MYH2: variants seen among roughly 807,000 people sequenced by gnomAD.
The protein encoded by MYH2 is myosin heavy chain 2, also known as myosin-2.
In MYH2, 139 loss-of-function variants were observed where a neutral mutation model predicts 228.1. The observed-to-expected ratio is 0.61, with a 90% confidence interval of 0.53 to 0.70. MYH2 has a LOEUF of 0.70. MYH2 is among the 30% of genes least tolerant of loss of function. The pLI is 0.00. For missense variants in MYH2, 1,809 were observed against 2,357.5 expected (o/e 0.77, Z 4.82); for synonymous variants, 796 against 871.1 (o/e 0.91, Z 1.52).
chr17:10,545,494 T>C lies in MYH2; in HGVS notation c.357A>G (p.Ser119=), dbSNP rs1438390266. ...GGTTGACAGTGACACAGAAGAGACC[T>C]GAATAGGTCTATGAGAAGGAAAAAG... ...RYAAWMIYTY[S]GLFCVTVNPY... is the part of the protein sequence containing the mutation. Residue 119 remains serine, a synonymous_variant, in exon 5 of 40, where the codon TCA becomes TCG. Transcript: ENST00000245503. 1.2e-6 allele frequency: 2 copies of C among 1,614,058 alleles called. No individual in the cohort carries two copies. Among genetic ancestry groups the C allele is most frequent in the Non-Finnish European group, 1.7e-6 (2 of 1,179,978 alleles).
Position 10,525,865 on chromosome 17 carries a change from G to A in MYH2, c.4199C>T (p.Ala1400Val), listed in dbSNP as rs770023922. 8 of 1,614,032 alleles carry A rather than the reference G, an allele frequency of 5.0e-6. No individual in the cohort carries two copies. The highest frequency in any genetic ancestry group is 1.1e-5 in the South Asian group (1 of 91,080). ...TTCCTCAGCTGCCTGCAGCCGCTGG[G>A]CCAGCTTCTTCCTTGAATATTATAC... ...EELEEAKKKLAQRLQAAEEHV... is the reference protein window; with the variant it reads ...EELEEAKKKLVQRLQAAEEHV... Residue 1400 changes from alanine to valine, a missense_variant, in exon 31 of 40, where the codon GCC (alanine) becomes GTC (valine). Physicochemically the swap from Ala to Val is moderately conservative, Grantham distance 64. Transcript: ENST00000245503. The surrounding 1 kb of genome is among the most constrained non-coding windows in gnomAD (Gnocchi z 4.2).
At chr17:10,532,620 T>G (rs1016253332) in intron 21 of MYH2, among the ~76,000 whole-genome samples, 5 of 152,206 alleles carry the variant, frequency 3.3e-5, no homozygotes, top group African/African-American at 4.8e-5. Flanking sequence ...TATAAATTAT[T>G]TATATATCTG....
intron 10 of MYH2, among the ~76,000 whole-genome samples, chr17:10,541,487 TC>T (rs2073554423): frequency 6.6e-6 from 1 of 152,206 alleles, no homozygotes. Context: ...AAACCCTGCC[TC>T]CTGATAAGAT....
rs199982481 is a variant in MYH2 at position 10,526,601 on chromosome 17, G to A, written c.4185C>T (p.Ala1395=). ...TTCTCTCATATCTGTGCACATACTT[G>A]GCCTCCTCCAGCTCCTCTGTGCGCT... ...AIQRTEELEE[A]KKKLAQRLQA... The change falls in exon 30 of 40, where the codon GCC becomes GCT. Residue 1395 remains alanine (A), a splice_region_variant and synonymous_variant. Coordinates refer to ENST00000245503, the MANE Select transcript of MYH2 (RefSeq NM_017534.6). 3.7e-6 allele frequency: 6 copies of A among 1,613,906 alleles called. No individual in the cohort carries two copies. In the Admixed American group the frequency reaches 8.3e-5, roughly 22 times the overall value.
At position 10,521,203 on chromosome 17, in the gene MYH2, A is replaced by G; in HGVS notation, c.*77T>C. Reference sequence around the variant, plus strand: ...TCCTTTGCAACAGGGTAGAATACACAATAATTACAGAGGGAAATGACCAAA... The same window carrying G: ...TCCTTTGCAACAGGGTAGAATACACGATAATTACAGAGGGAAATGACCAAA... On this transcript the variant is annotated 3_prime_UTR_variant, in exon 40 of 40. Coordinates refer to ENST00000245503, the MANE Select transcript of MYH2 (RefSeq NM_017534.6). 6.5e-7 allele frequency: 1 copy of G among 1,546,530 alleles called. No homozygotes were observed. Among genetic ancestry groups the G allele is most frequent in the Non-Finnish European group, 8.9e-7 (1 of 1,120,668 alleles).
At chr17:10,545,740 G>C (rs186886650) in intron 4 of MYH2, among the ~76,000 whole-genome samples, 10 of 152,138 alleles carry the variant, frequency 6.6e-5, no homozygotes, top group Admixed American at 2.6e-4. Flanking sequence ...AATTTTGTAC[G>C]TGCTTTTTGT....
In MYH2 at chr17:10,543,143, G is replaced by A; in HGVS notation, c.760C>T (p.His254Tyr). 2 of 1,610,468 alleles carry A rather than the reference G, an allele frequency of 1.2e-6. No individual in the cohort carries two copies. Among genetic ancestry groups the A allele is most frequent in the Non-Finnish European group, 1.7e-6 (2 of 1,177,714 alleles). The change falls in exon 9 of 40, where the codon CAC becomes TAC. Residue 254 changes from histidine (H) to tyrosine (Y), a missense_variant. Physicochemically the swap from His to Tyr is moderately conservative, Grantham distance 83. This residue lies in a region of MYH2 where 373 missense variants were observed against 620.4 expected (regional missense o/e 0.60). Coordinates refer to ENST00000245503, the MANE Select transcript of MYH2 (RefSeq NM_017534.6). ...SSRFGKFIRIHFGTTGKLASA... is the reference protein window; with the variant it reads ...SSRFGKFIRIYFGTTGKLASA... ...GCCAGTTTTCCAGTAGTGCCAAAGT[G>A]GATTCTGATGAATTTACCCTTGAAA... is the stretch of plus-strand genomic sequence containing the variant.
At chr17:10,538,144 A>G (rs1234487970) in intron 14 of MYH2, among the ~76,000 whole-genome samples, 1 of 152,074 alleles carries the variant, frequency 6.6e-6, no homozygotes, top group African/African-American at 2.4e-5. Flanking sequence ...TATTCCCATT[A>G]TCTTCTACAT....
At chr17:10,541,374 A>G (rs575588836) in intron 10 of MYH2, among the ~76,000 whole-genome samples, 2 of 152,262 alleles carry the variant, frequency 1.3e-5, no homozygotes, top group South Asian at 4.1e-4. Context: ...TTACAGTTGT[A>G]GATAAGGGTT....
chr17:10,524,869 A>G lies in MYH2; in HGVS notation c.4859T>C (p.Leu1620Pro). The change falls in exon 34 of 40, where the codon CTC (leucine) becomes CCC (proline). Residue 1620 changes from leucine to proline, a missense_variant. Transcript: ENST00000245503. The surrounding 1 kb of genome is among the most constrained non-coding windows in gnomAD (Gnocchi z 4.7). ...GAGGTCTCCCTCCATCTTCTTCTTG[A>G]GCCTAATGGCATCATTCCTACTCCT... ...EIRSRNDAIR[L>P]KKKMEGDLNE... 2 of 1,613,992 alleles carry G rather than the reference A, an allele frequency of 1.2e-6. No individual in the cohort carries two copies. Among genetic ancestry groups the G allele is most frequent in the Non-Finnish European group, 1.7e-6 (2 of 1,180,004 alleles).
At position 10,529,418 on chromosome 17, in the gene MYH2, G is replaced by C. The variant is rs142586585; in HGVS notation, c.3181C>G (p.Leu1061Val). The C allele has an allele frequency of 3.4e-3, 5,478 of 1,614,156 alleles. 7 individuals are homozygous for C. Among genetic ancestry groups the C allele is most frequent in the Non-Finnish European group, 4.2e-3 (4,940 of 1,180,024 alleles). Residue 1061 changes from leucine (L) to valine (V), a missense_variant, in exon 25 of 40, where the codon CTT becomes GTT. By Grantham distance (32) the Leu-to-Val change is conservative. Transcript: ENST00000245503. ...TGGGCCAACTTCAAGTCACCCTCAA[G>C]TTTCCTCTTAGCCCTTTCTAGGTCC... is the stretch of plus-strand genomic sequence containing the variant. ...RMDLERAKRK[L>V]EGDLKLAQES...
chr17:10,540,521 C>G, intron 11 of MYH2, 73 bp downstream of exon 11: 1 of 1,275,364 alleles, frequency 7.8e-7, no homozygotes, highest in South Asian at 1.2e-5. Context: ...TTCTACTAGA[C>G]ACTGAATATT....
intron 4 of MYH2, among the ~76,000 whole-genome samples, chr17:10,545,892 A>C (rs556861428): frequency 6.6e-6 from 1 of 152,302 alleles, no homozygotes; most frequent in African/African-American, 2.4e-5. Flanking sequence ...ATGTGATAGC[A>C]GAATCCTGAG....
At chr17:10,532,336 T>C (rs762446929) in intron 21 of MYH2, among the ~76,000 whole-genome samples, 1 of 152,176 alleles carries the variant, frequency 6.6e-6, no homozygotes. Flanking sequence ...CACAGCTCTT[T>C]AGGGGTATAT....
rs1597448134 is a variant in MYH2, at chr17:10,525,163, T to G, written c.4662+61A>C. 3 of 1,613,888 alleles carry G rather than the reference T, an allele frequency of 1.9e-6. No homozygotes were observed. The Middle Eastern group carries it at 4.9e-4, about 266-fold the overall frequency. ...TTGTGCTATGTGTCTTTTTATTCAC[T>G]CTATGCAGATGTACCTAATTATTTT... is the stretch of plus-strand genomic sequence containing the variant. On this transcript the variant is annotated intron_variant, in intron 33 of 39. Transcript: ENST00000245503. The surrounding 1 kb of genome is among the most constrained non-coding windows in gnomAD (Gnocchi z 4.2).
Position 10,529,174 on chromosome 17 carries a change from A to G in MYH2, c.3342T>C (p.Ile1114=), listed in dbSNP as rs757578668. The change falls in exon 26 of 40, where the codon ATT becomes ATC. Residue 1114 remains isoleucine, a synonymous_variant. Transcript: ENST00000245503. The part of the protein sequence containing the change: ...QALGIQLQKK[I]KELQARIEEL... ...ATCATGTACTTACTTGCAATTCTTTAATTTTCTTCTGCAATTGAATGCCAA... is the reference window on the plus strand; with the variant it reads ...ATCATGTACTTACTTGCAATTCTTTGATTTTCTTCTGCAATTGAATGCCAA... 4 of 1,614,060 alleles carry G rather than the reference A, an allele frequency of 2.5e-6. No homozygotes were observed. The highest frequency in any genetic ancestry group is 2.7e-5 in the African/African-American group (2 of 74,914).
At position 10,544,029 on chromosome 17, in the gene MYH2, A is replaced by C. The variant is rs2073593782; in HGVS notation, c.534-13T>G. On this transcript the variant is annotated splice_polypyrimidine_tract_variant and intron_variant, in intron 6 of 39. Coordinates refer to ENST00000245503, the MANE Select transcript of MYH2 (RefSeq NM_017534.6). ...ACCAGATTCTCCACTGTCAAATCAA[A>C]ACTCAATCAGATGTGGTCTCAAACC... The C allele has an allele frequency of 6.2e-7, 1 of 1,614,038 alleles. No individual in the cohort carries two copies. The highest frequency in any genetic ancestry group is 1.7e-5 in the Admixed American group (1 of 59,994).
rs1383365699 is a variant in MYH2, at chr17:10,525,295, C to T, written c.4591G>A (p.Glu1531Lys). The T allele has an allele frequency of 6.2e-7, 1 of 1,614,102 alleles. No homozygotes were observed. ...ACTTGTTTCTTTATTTTCTCCAGTT[C>T]ATGGATACGTTTCCCTCCTTCTGCA... is the stretch of plus-strand genomic sequence containing the variant. ...QIAEGGKRIH[E>K]LEKIKKQVEQ... The change falls in exon 33 of 40, where the codon GAA becomes AAA. Residue 1531 changes from glutamate (E) to lysine (K), a missense_variant. Around this residue, in one of 9 missense-constraint regions of MYH2, gnomAD observed 636 missense variants for 729.9 expected, o/e 0.87. Coordinates refer to ENST00000245503, the MANE Select transcript of MYH2 (RefSeq NM_017534.6). This position sits in a 1 kb window ranked among gnomAD's most constrained non-coding sequence, Gnocchi z 4.2.
chr17:10,533,557 A>C lies in MYH2; in HGVS notation c.2256T>G (p.Leu752=). 1 of 1,614,198 alleles carries C rather than the reference A, an allele frequency of 6.2e-7. No individual in the cohort carries two copies. The highest frequency in any genetic ancestry group is 8.5e-7 in the Non-Finnish European group (1 of 1,180,002). ...GGGTGTGGTCAATGTCGATGGATGC[A>C]AGGAGCTTCTCAGAGGCCTTCTTGC... ...IDSKKASEKL[L]ASIDIDHTQY... is the part of the protein sequence containing the mutation. Residue 752 remains leucine (L), a synonymous_variant, in exon 20 of 40, where the codon CTT becomes CTG. Transcript: ENST00000245503.
Sources: allele counts gnomAD v4.1 joint callset (sites outside exome capture counted in the v4.1 genomes callset), GRCh38; gene constraint gnomAD v4.1.1; regional missense constraint gnomAD v4.1.1; non-coding constraint Gnocchi (gnomAD v3.1); transcripts MANE v1.5; gene names NCBI Gene and HGNC (gene_info 2026-07-23, HGNC 2026-07-21).